SPRY4: variants seen among roughly 807,000 people sequenced by gnomAD.
SPRY4 encodes sprouty RTK signaling antagonist 4.
SPRY4 carries 7 observed loss-of-function variants against 17.0 expected under a neutral mutation model. The ratio of observed to expected loss-of-function variants is 0.41; its 90% confidence interval spans 0.23 to 0.77. The LOEUF (loss-of-function observed/expected upper bound fraction) is 0.77, where lower values mean the gene tolerates loss of function less well. Among genes scored for constraint, SPRY4 ranks in the 30% least tolerant of loss-of-function variants. SPRY4 has a pLI of 0.32. For synonymous variants in SPRY4, 183 were observed against 174.1 expected, an observed-to-expected ratio of 1.05 and a Z score of -0.40; for missense variants, 435 against 419.9, an observed-to-expected ratio of 1.04 and a Z score of -0.31.
At chr5:142,321,199 A>T (rs568707719) in intron 1 of SPRY4, among the ~76,000 whole-genome samples, 1 of 152,148 alleles carries the variant, frequency 6.6e-6, no homozygotes, top group African/African-American at 2.4e-5. Context: ...GGAAAGGGGC[A>T]CCCTTAAAAC....
chr5:142,317,321 AG>A (rs1561651157), intron 1 of SPRY4: 1 of 985,468 alleles, frequency 1.0e-6, no homozygotes, highest in Non-Finnish European at 1.2e-6. Context: ...TAGGAGCCCA[AG>A]GTCCAGCACT....
chr5:142,315,005 A>C lies in SPRY4; in HGVS notation c.104T>G (p.Leu35Arg), dbSNP rs1759097103. ...RMSHSRLQHP[L>R]TILPIDQVKT... ...CACCTGGTCAATGGGTAGGATGGTG[A>C]GTGGGTGCTGGAGCCGGCTGTGGGA... The change falls in exon 2 of 2, where the codon CTC becomes CGC. Residue 35 changes from leucine to arginine, a missense_variant. Transcript: ENST00000434127. 6.2e-7 allele frequency: 1 copy of C among 1,613,622 alleles called. No homozygotes were observed.
chr5:142,316,937 T>C, intron 1 of SPRY4: 1 of 958,364 alleles, frequency 1.0e-6, no homozygotes, highest in Non-Finnish European at 1.2e-6. Flanking sequence ...GGTATTTCTT[T>C]ACACGCCTTG....
chr5:142,315,960 T>A (rs1561650343), intron 1 of SPRY4, among the ~76,000 whole-genome samples: 1 of 152,174 alleles, frequency 6.6e-6, no homozygotes, highest in Non-Finnish European at 1.5e-5. Context: ...TTATTTCAGA[T>A]ATTCACAAGA....
Position 142,314,491 on chromosome 5 carries a change from G to T in SPRY4, c.618C>A (p.Ile206=), listed in dbSNP as rs772264855. ...YGTCMCLVQG[I]FYHCTNEDDE... is the part of the protein sequence containing the mutation. ...CGTCCTCATTCGTGCAGTGGTAGAA[G>T]ATGCCCTGCACCAAACACATGCACG... Residue 206 remains isoleucine, a synonymous_variant, in exon 2 of 2, where the codon ATC becomes ATA. Coordinates refer to ENST00000434127, the MANE Select transcript of SPRY4 (RefSeq NM_001127496.3). The surrounding 1 kb of genome is among the most constrained non-coding windows in gnomAD (Gnocchi z 4.8). 1 of 1,614,096 alleles carries T rather than the reference G, an allele frequency of 6.2e-7. No individual in the cohort carries two copies. Among genetic ancestry groups the T allele is most frequent in the Non-Finnish European group, 8.5e-7 (1 of 1,180,044 alleles).
chr5:142,314,570 C>T lies in SPRY4; in HGVS notation c.539G>A (p.Trp180Ter). 6.2e-7 allele frequency: 1 copy of T among 1,614,244 alleles called. No homozygotes were observed. Among genetic ancestry groups the T allele is most frequent in the Non-Finnish European group, 8.5e-7 (1 of 1,180,044 alleles). ...CASPRTLPSCWVCNQECLCSA... is the reference protein window; with the variant it reads ...CASPRTLPSC The stretch of plus-strand genomic sequence containing the variant: ...GCACAGGCACTCCTGGTTGCAGACC[C>T]AGCAGGAAGGCAACGTCCGGGGGGA... Residue 180 changes from tryptophan (W) to a stop codon, truncating the protein, a stop_gained, in exon 2 of 2, where the codon TGG becomes TAG. Coordinates refer to ENST00000434127, the MANE Select transcript of SPRY4 (RefSeq NM_001127496.3). LOFTEE classifies it high-confidence loss of function. The surrounding 1 kb of genome is among the most constrained non-coding windows in gnomAD (Gnocchi z 4.8).
intron 1 of SPRY4, chr5:142,323,999 C>T: frequency 6.6e-6 from 1 of 152,524 alleles, no homozygotes; most frequent in East Asian, 1.9e-4. Flanking sequence ...CCAGCTCCCA[C>T]ACGCCTGGTG....
intron 1 of SPRY4, chr5:142,315,430 GT>G (rs1354238789): frequency 1.8e-5 from 7 of 390,440 alleles, no homozygotes; most frequent in African/African-American, 4.0e-5. Context: ...AGCCTAAAAC[GT>G]AACTACTATT....
At chr5:142,319,652 C>G in intron 1 of SPRY4, 1 of 1,514,744 alleles carries the variant, frequency 6.6e-7, no homozygotes, top group Non-Finnish European at 8.9e-7. Context: ...AGCAGGATAT[C>G]AAAATCCCCA....
Position 142,314,533 on chromosome 5 carries a change from A to G in SPRY4, c.576T>C (p.Thr192=), listed in dbSNP as rs2126987329. ...ACATGCACGTGCCATAGTTGACCAG[A>G]GTCTGGGCTGAGCACAGGCACTCCT... ...CNQECLCSAQ[T]LVNYGTCMCL... The change falls in exon 2 of 2, where the codon ACT becomes ACC. Residue 192 remains threonine, a synonymous_variant. Transcript: ENST00000434127. The surrounding 1 kb of genome is among the most constrained non-coding windows in gnomAD (Gnocchi z 4.8). 6.2e-7 allele frequency: 1 copy of G among 1,614,238 alleles called. No individual in the cohort carries two copies. The highest frequency in any genetic ancestry group is 1.3e-5 in the African/African-American group (1 of 75,062).
chr5:142,317,602 T>C, intron 1 of SPRY4: 1 of 985,308 alleles, frequency 1.0e-6, no homozygotes, highest in Non-Finnish European at 1.2e-6. Context: ...AAGACTCCCT[T>C]TCCTTAAGCA....
In SPRY4 at chr5:142,314,803, G is replaced by A. The variant is rs941738653; in HGVS notation, c.306C>T (p.Ser102=). Residue 102 remains serine (S), a synonymous_variant, in exon 2 of 2, where the codon AGC becomes AGT. Coordinates refer to ENST00000434127, the MANE Select transcript of SPRY4 (RefSeq NM_001127496.3). This position sits in a 1 kb window ranked among gnomAD's most constrained non-coding sequence, Gnocchi z 4.8. The stretch of plus-strand genomic sequence containing the variant: ...GCCGTTGGTCAGAGGATGTGCTGCT[G>A]CTGCTGCTCACAGAGCTGGGGCGCC... ...FSGRPSSVSS[S]SSTSSDQRLL... The A allele has an allele frequency of 6.3e-7, 1 of 1,594,054 alleles. No homozygotes were observed. Among genetic ancestry groups the A allele is most frequent in the Non-Finnish European group, 8.6e-7 (1 of 1,166,736 alleles).
In SPRY4 at chr5:142,314,844, A is replaced by G; in HGVS notation, c.265T>C (p.Trp89Arg). The change falls in exon 2 of 2, where the codon TGG (tryptophan) becomes CGG (arginine). Residue 89 changes from tryptophan (W) to arginine (R), a missense_variant. Transcript: ENST00000434127. This position sits in a 1 kb window ranked among gnomAD's most constrained non-coding sequence, Gnocchi z 4.8. ...ARCDQDVTHH[W>R]ISFSGRPSSV... ...CTGGGGCGCCCGCTGAAGGAGATCCAATGGTGGGTGACATCCTGGTCACAG... is the reference window on the plus strand; with the variant it reads ...CTGGGGCGCCCGCTGAAGGAGATCCGATGGTGGGTGACATCCTGGTCACAG... 1 of 1,588,662 alleles carries G rather than the reference A, an allele frequency of 6.3e-7. No individual in the cohort carries two copies. Among genetic ancestry groups the G allele is most frequent in the Non-Finnish European group, 8.6e-7 (1 of 1,164,534 alleles).
chr5:142,322,400 G>T (rs1390328142), intron 1 of SPRY4, among the ~76,000 whole-genome samples: 2 of 151,818 alleles, frequency 1.3e-5, no homozygotes, highest in Non-Finnish European at 2.9e-5. Context: ...GAACCTGGGA[G>T]GCGGAGGTTG....
In SPRY4 at chr5:142,314,050, G is replaced by C. The variant is rs1464692581; in HGVS notation, c.*159C>G. On this transcript the variant is annotated 3_prime_UTR_variant, in exon 2 of 2. Coordinates refer to ENST00000434127, the MANE Select transcript of SPRY4 (RefSeq NM_001127496.3). This position sits in a 1 kb window ranked among gnomAD's most constrained non-coding sequence, Gnocchi z 4.8. The stretch of plus-strand genomic sequence containing the variant: ...TCACCTTGGGGAATACAGGGTACGT[G>C]GTGGTGGTCTCTGTATTTTCCGAAG... 2.8e-6 allele frequency: 2 copies of C among 718,348 alleles called. No homozygotes were observed. Among genetic ancestry groups the C allele is most frequent in the South Asian group, 1.9e-5 (1 of 52,036 alleles). The allele number at this position is 718,348 out of a possible 1,614,324, so 44.5% of individuals were successfully genotyped here.
intron 1 of SPRY4, chr5:142,318,096 G>T (rs1168102340): frequency 2.0e-6 from 2 of 985,056 alleles, no homozygotes; most frequent in Non-Finnish European, 2.4e-6. Context: ...CTGAATTTAT[G>T]TGGCTGACAA....
At chr5:142,317,916 G>A in intron 1 of SPRY4, 4 of 985,364 alleles carry the variant, frequency 4.1e-6, no homozygotes, top group Non-Finnish European at 3.6e-6. Flanking sequence ...TTGGCTCTCT[G>A]GGGACGATGC....
At position 142,312,385 on chromosome 5, in the gene SPRY4, A is replaced by G. The variant is rs1315736170; in HGVS notation, c.*1824T>C. 2 of 152,636 alleles carry G rather than the reference A, an allele frequency of 1.3e-5. No homozygotes were observed. The highest frequency in any genetic ancestry group is 3.9e-4 in the East Asian group (2 of 5,190). 9.5% of individuals were successfully genotyped at this position (152,636 alleles called of 1,614,324 possible). Reference sequence around the variant, plus strand: ...TTACATAAATAAAGCCGAAAATAATATGACCCTCCCTTCCTCCAATCAATA... The same window carrying G: ...TTACATAAATAAAGCCGAAAATAATGTGACCCTCCCTTCCTCCAATCAATA... On this transcript the variant is annotated 3_prime_UTR_variant, in exon 2 of 2. Coordinates refer to ENST00000434127, the MANE Select transcript of SPRY4 (RefSeq NM_001127496.3).
intron 1 of SPRY4, chr5:142,319,620 G>C: frequency 7.7e-7 from 1 of 1,303,762 alleles, no homozygotes; most frequent in Non-Finnish European, 1.0e-6. Context: ...CCAGGGCACA[G>C]AGAGTCCTAG....
Sources: allele counts gnomAD v4.1 joint callset (sites outside exome capture counted in the v4.1 genomes callset), GRCh38; gene constraint gnomAD v4.1.1; non-coding constraint Gnocchi (gnomAD v3.1); transcripts MANE v1.5; gene names NCBI Gene and HGNC (gene_info 2026-07-23, HGNC 2026-07-21).